Variants in GALNT10 observed in about 807,000 individuals in gnomAD.
GALNT10 encodes the protein polypeptide N-acetylgalactosaminyltransferase 10, also known as GalNAc transferase 10.
In GALNT10, 41 loss-of-function variants were observed where a neutral mutation model predicts 75.0. The ratio of observed to expected loss-of-function variants is 0.55; its 90% CI spans 0.43 to 0.71. The LOEUF (loss-of-function observed/expected upper bound fraction) is 0.71, where lower values mean the gene tolerates loss of function less well. Among genes scored for constraint, GALNT10 ranks in the 30% least tolerant of loss-of-function variants. The pLI, the probability that GALNT10 is intolerant of heterozygous loss-of-function variation, is 0.00. For synonymous variants in GALNT10, 302 were observed against 313.0 expected, an observed-to-expected ratio of 0.96 and a Z score of 0.37; for missense variants, 727 against 818.5, an observed-to-expected ratio of 0.89 and a Z score of 1.36.
intron 6 of GALNT10, among the ~76,000 whole-genome samples, chr5:154,381,112 G>A (rs1377058890): frequency 6.6e-6 from 1 of 152,186 alleles, no homozygotes. Context: ...ATGCAGGTCT[G>A]TCTGTCTGCC....
At chr5:154,229,330 C>T (rs1189097207) in intron 1 of GALNT10, among the ~76,000 whole-genome samples, 1 of 152,178 alleles carries the variant, frequency 6.6e-6, no homozygotes, top group Non-Finnish European at 1.5e-5. Context: ...GAGTTAATTT[C>T]TTATCTACTT....
intron 1 of GALNT10, among the ~76,000 whole-genome samples, chr5:154,227,451 C>A (rs147140213): frequency 6.6e-6 from 1 of 152,074 alleles, no homozygotes; most frequent in South Asian, 2.1e-4. Flanking sequence ...CTCTGTACAT[C>A]TTTTTTTTGT....
At chr5:154,408,236 C>A (rs1756323368) in intron 8 of GALNT10, among the ~76,000 whole-genome samples, 1 of 152,144 alleles carries the variant, frequency 6.6e-6, no homozygotes, top group Admixed American at 6.5e-5. Context: ...ACATTTGGGA[C>A]CCCTGCCTGA....
intron 3 of GALNT10, among the ~76,000 whole-genome samples, chr5:154,328,098 G>C (rs1002836715): frequency 6.6e-6 from 1 of 150,486 alleles, no homozygotes; most frequent in Non-Finnish European, 1.5e-5. Flanking sequence ...AAAAAAAGGA[G>C]GGCAGAAGCT....
Position 154,409,372 on chromosome 5 carries a change from A to G in GALNT10, c.1165-169A>G. 2.9e-6 allele frequency: 2 copies of G among 683,026 alleles called. No individual in the cohort carries two copies. The highest frequency in any genetic ancestry group is 5.3e-6 in the Non-Finnish European group (2 of 377,736). The allele number at this position is 683,026 out of a possible 1,614,324, so 42.3% of individuals were successfully genotyped here. A position where few individuals can be genotyped will look rare whatever the true frequency, so the allele number is the denominator to read the frequency against. The stretch of plus-strand genomic sequence containing the variant: ...AAGCTGTGAAGCCCTTAAAACATGC[A>G]TAATGATAAATAGAAACACAGAAGG... On this transcript the variant is annotated intron_variant, in intron 8 of 11. Transcript: ENST00000297107. This position sits in a 1 kb window ranked among gnomAD's most constrained non-coding sequence, Gnocchi z 4.5.
At chr5:154,247,529 C>T (rs1581937342) in intron 1 of GALNT10, among the ~76,000 whole-genome samples, 2 of 151,760 alleles carry the variant, frequency 1.3e-5, no homozygotes, top group South Asian at 2.1e-4. Flanking sequence ...TCCTTCACAT[C>T]CTTGTAAGTT....
At chr5:154,364,995 G>A (rs993088196) in intron 4 of GALNT10, among the ~76,000 whole-genome samples, 7 of 152,162 alleles carry the variant, frequency 4.6e-5, no homozygotes, top group African/African-American at 1.2e-4. Context: ...TTTATTCGTC[G>A]TCTGATTATT....
chr5:154,245,269 G>A (rs767163864), intron 1 of GALNT10, among the ~76,000 whole-genome samples: 9 of 152,304 alleles, frequency 5.9e-5, no homozygotes, highest in Non-Finnish European at 1.2e-4. Flanking sequence ...GAGTCAGCAC[G>A]ACTTGGTCAC....
At chr5:154,365,295 G>A (rs370477127) in intron 4 of GALNT10, among the ~76,000 whole-genome samples, 3 of 152,302 alleles carry the variant, frequency 2.0e-5, no homozygotes, top group Middle Eastern at 3.4e-3. Flanking sequence ...AATTTGTAGC[G>A]TGATACCTAA....
chr5:154,396,309 T>C (rs1168219477), intron 7 of GALNT10, among the ~76,000 whole-genome samples: 1 of 152,214 alleles, frequency 6.6e-6, no homozygotes, highest in Non-Finnish European at 1.5e-5. Flanking sequence ...GAAAAGTGAA[T>C]GCATTGCGGC....
At chr5:154,401,462 G>A (rs1450323087) in intron 7 of GALNT10, among the ~76,000 whole-genome samples, 1 of 152,204 alleles carries the variant, frequency 6.6e-6, no homozygotes, top group African/African-American at 2.4e-5. Flanking sequence ...CAATCACTTT[G>A]TATAAAGGAA....
At chr5:154,387,468 C>T (rs941170705) in intron 7 of GALNT10, 1 of 152,250 alleles carries the variant, frequency 6.6e-6, no homozygotes, top group Non-Finnish European at 1.5e-5. Flanking sequence ...AACTCTGATG[C>T]CCCCTCATCG....
rs189296238 is a variant in GALNT10 at position 154,375,667 on chromosome 5, C to G, written c.569-610C>G. ...CAGTCTCAGCATATTCACCTACCAC[C>G]TCTCATCACCTCATTTCACCAAAGA... On this transcript the variant is annotated intron_variant, in intron 4 of 11. Transcript: ENST00000297107. 5.9e-3 allele frequency among the ~76,000 whole-genome samples: 894 copies of G among 152,348 alleles called. 6 individuals are homozygous for G. Among genetic ancestry groups the G allele is most frequent in the Non-Finnish European group, 9.0e-3 (610 of 68,038 alleles).
chr5:154,342,047 A>C (rs1462400663), intron 4 of GALNT10, among the ~76,000 whole-genome samples: 1 of 152,122 alleles, frequency 6.6e-6, no homozygotes, highest in African/African-American at 2.4e-5. Flanking sequence ...AAGGTACTGC[A>C]CCGTGACAGG....
intron 1 of GALNT10, among the ~76,000 whole-genome samples, chr5:154,247,657 G>A (rs774250569): frequency 1.3e-5 from 2 of 152,198 alleles, no homozygotes; most frequent in African/African-American, 4.8e-5. Context: ...TTTGCACATT[G>A]ATTTTGTATC....
chr5:154,217,957 A>G (rs1752909295), intron 1 of GALNT10: 10 of 955,358 alleles, frequency 1.0e-5, no homozygotes, highest in Non-Finnish European at 1.2e-5. Context: ...GGACCTGAAT[A>G]AAAATGTTGG....
At chr5:154,191,675 C>G (rs1186284250) in intron 1 of GALNT10, among the ~76,000 whole-genome samples, 1 of 152,248 alleles carries the variant, frequency 6.6e-6, no homozygotes, top group African/African-American at 2.4e-5. Flanking sequence ...AGGGGGTAAG[C>G]TCCTGGTCCT....
At chr5:154,204,457 C>T (rs1775075007) in intron 1 of GALNT10, among the ~76,000 whole-genome samples, 1 of 152,186 alleles carries the variant, frequency 6.6e-6, no homozygotes, top group Non-Finnish European at 1.5e-5. Flanking sequence ...AGGTTTCTGC[C>T]TCTTTCCTAA....
At chr5:154,373,758 A>G (rs1029165011) in intron 4 of GALNT10, among the ~76,000 whole-genome samples, 1 of 152,172 alleles carries the variant, frequency 6.6e-6, no homozygotes, top group Non-Finnish European at 1.5e-5. Flanking sequence ...TGTGCTGTCT[A>G]ATAAGGACAA....
Sources: gnomAD v4.1 joint callset for allele counts (sites outside exome capture counted in the v4.1 genomes callset) on GRCh38, gnomAD v4.1.1 for gene constraint, Gnocchi (gnomAD v3.1) non-coding constraint, MANE v1.5 for transcripts, NCBI Gene and HGNC (gene_info 2026-07-23, HGNC 2026-07-21) for gene names.